The following ABCB1 variants were observed in gnomAD, a reference collection of about 807,000 sequenced individuals.
The protein encoded by ABCB1 is ATP-dependent translocase ABCB1.
A neutral mutation model predicts 142.0 loss-of-function variants in ABCB1; 69 were observed. The ratio of observed to expected loss-of-function variants is 0.49; its 90% CI spans 0.40 to 0.59. ABCB1 has a LOEUF of 0.59. ABCB1 is among the 20% of genes least tolerant of loss of function. The pLI is 0.00. For missense variants in ABCB1, 1,326 were observed against 1,554.7 expected, an observed-to-expected ratio of 0.85 and a Z score of 2.47; for synonymous variants, 532 against 539.2, an observed-to-expected ratio of 0.99 and a Z score of 0.18.
intron 1 of ABCB1, among the ~76,000 whole-genome samples, chr7:87,672,247 A>T (rs1419289697): frequency 2.0e-5 from 3 of 152,190 alleles, no homozygotes; most frequent in Non-Finnish European, 4.4e-5. Context: ...GTACCTGCTT[A>T]AAGTAGCAGT....
chr7:87,634,244 T>G lies in ABCB1; in HGVS notation c.-330-33166A>C, dbSNP rs79377334. Among the ~76,000 whole-genome samples, 1,345 of 152,124 alleles carry G rather than the reference T, an allele frequency of 8.8e-3. 14 individuals carry two copies. Among genetic ancestry groups the G allele is most frequent in the Admixed American group, 0.025 (381 of 15,282 alleles). ...TGCTAGGCCCCACCTCCCAACACCA[T>G]CACATTGGAGATCAAATTTCAACAT... On this transcript the variant is annotated intron_variant, in intron 1 of 28. Transcript: ENST00000265724.
intron 8 of ABCB1, among the ~76,000 whole-genome samples, chr7:87,555,262 C>A (rs1026162198): frequency 6.6e-6 from 1 of 152,110 alleles, no homozygotes; most frequent in African/African-American, 2.4e-5. Context: ...TTTTCTTAAT[C>A]GCAACTCCCT....
In ABCB1 at chr7:87,702,394, T is replaced by A. The variant is rs1351004694; in HGVS notation, c.-331+10767A>T. On this transcript the variant is annotated intron_variant, in intron 1 of 28. Transcript: ENST00000265724. ...CCTAGGCTCAAGTGATCCTCCAACC[T>A]CAGCTTCCTGAGTAGCTGGGACTAC... is the stretch of plus-strand genomic sequence containing the variant. Among the ~76,000 whole-genome samples the A allele has an allele frequency of 2.0e-5, 3 of 151,978 alleles. No homozygotes were observed. In the East Asian group the frequency reaches 5.8e-4, roughly 29 times the overall value.
At chr7:87,700,537 A>G (rs1215807778) in intron 1 of ABCB1, 15 of 1,612,642 alleles carry the variant, frequency 9.3e-6, no homozygotes, top group African/African-American at 1.3e-5. Context: ...GGAAAATGTC[A>G]GTTCTTCTAG....
At chr7:87,632,563 T>G (rs1821332423) in intron 1 of ABCB1, among the ~76,000 whole-genome samples, 1 of 152,172 alleles carries the variant, frequency 6.6e-6, no homozygotes, top group Admixed American at 6.5e-5. Context: ...TTCATACACT[T>G]GACTTTGGCT....
intron 1 of ABCB1, among the ~76,000 whole-genome samples, chr7:87,638,922 G>A (rs958497125): frequency 6.6e-6 from 1 of 152,048 alleles, no homozygotes; most frequent in Non-Finnish European, 1.5e-5. Context: ...GGAGGCCAAG[G>A]CGGGTGGATC....
At chr7:87,583,650 C>T (rs1222932415) in intron 4 of ABCB1, among the ~76,000 whole-genome samples, 2 of 152,120 alleles carry the variant, frequency 1.3e-5, no homozygotes, top group Non-Finnish European at 2.9e-5. Context: ...CAGAAAGGAG[C>T]TAGTCTTCAC....
intron 20 of ABCB1, 67 bp downstream of exon 20, chr7:87,536,391 A>C (rs1478067931): frequency 2.8e-6 from 4 of 1,426,666 alleles, no homozygotes; most frequent in Non-Finnish European, 4.0e-6. Flanking sequence ...GTAAGGAGAA[A>C]ATTAGTTTCA....
chr7:87,526,322 C>T (rs1354918839), intron 21 of ABCB1, among the ~76,000 whole-genome samples: 1 of 152,056 alleles, frequency 6.6e-6, no homozygotes, highest in Non-Finnish European at 1.5e-5. Flanking sequence ...TCTCTGGTGG[C>T]TCTCTACCAT....
rs188407171 is a variant in ABCB1, at chr7:87,530,908, G to T, written c.2685+386C>A. Among the ~76,000 whole-genome samples the T allele has an allele frequency of 1.2e-3, 176 of 143,436 alleles. 2 individuals carry two copies. Among genetic ancestry groups the T allele is most frequent in the African/African-American group, 4.4e-3 (170 of 38,852 alleles). The allele number at this position is 143,436 out of a possible 152,430, so 94.1% of individuals were successfully genotyped here. A position where few individuals can be genotyped will look rare whatever the true frequency, so the allele number is the denominator to read the frequency against. ...AAAAAGAAAAGAAGGAAGAAGGGAA[G>T]GAAGGAAAAAAGGAAAGAAAAGAAG... On this transcript the variant is annotated intron_variant, in intron 21 of 27. Transcript: ENST00000622132.
At chr7:87,702,967 A>G (rs1010028970) in intron 1 of ABCB1, among the ~76,000 whole-genome samples, 1 of 152,134 alleles carries the variant, frequency 6.6e-6, no homozygotes, top group African/African-American at 2.4e-5. Context: ...GTATCAAATA[A>G]CTAACTCAAC....
At chr7:87,593,621 T>C (rs370012447) in intron 3 of ABCB1, among the ~76,000 whole-genome samples, 17 of 152,218 alleles carry the variant, frequency 1.1e-4, no homozygotes, top group East Asian at 9.6e-4. Flanking sequence ...ACAATATGAT[T>C]CTTCATTCTG....
chr7:87,555,066 A>G (rs1044416510), intron 8 of ABCB1, among the ~76,000 whole-genome samples: 3 of 152,210 alleles, frequency 2.0e-5, no homozygotes, highest in African/African-American at 7.2e-5. Context: ...GGTAAAGTTA[A>G]AGGAGATGAT....
chr7:87,700,631 T>G lies in ABCB1; in HGVS notation c.-331+12530A>C. 2.3e-6 allele frequency: 3 copies of G among 1,331,920 alleles called. No homozygotes were observed. In the South Asian group the frequency reaches 4.1e-5, roughly 18 times the overall value. The allele number at this position is 1,331,920 out of a possible 1,614,324, so 82.5% of individuals were successfully genotyped here. On this transcript the variant is annotated intron_variant, in intron 1 of 28. Transcript: ENST00000265724. ...TTGGAATAGCAGGAAGGTGTGAAGC[T>G]ACTTACTATGAATTTCCTTTTCTTA...
At position 87,670,597 on chromosome 7, in the gene ABCB1, G is replaced by C. The variant is rs550988325; in HGVS notation, c.-331+42564C>G. 3.9e-5 allele frequency among the ~76,000 whole-genome samples: 6 copies of C among 152,324 alleles called. No individual in the cohort carries two copies. The South Asian group carries it at 1.2e-3, about 32-fold the overall frequency. On this transcript the variant is annotated intron_variant, in intron 1 of 28. Coordinates refer to the ABCB1 transcript ENST00000265724. ...CTTGCATTGGTTCTTTCTCATCTCT[G>C]TGTGTGGGTGTTCCTTTATCTGCAT... is the stretch of plus-strand genomic sequence containing the variant.
At chr7:87,542,989 A>G (rs1816606443) in intron 17 of ABCB1, among the ~76,000 whole-genome samples, 1 of 152,214 alleles carries the variant, frequency 6.6e-6, no homozygotes, top group Non-Finnish European at 1.5e-5. Context: ...AATTTTTTCA[A>G]CAACTAGAAA....
chr7:87,583,373 G>A (rs1025746191), intron 4 of ABCB1, among the ~76,000 whole-genome samples: 22 of 152,116 alleles, frequency 1.4e-4, no homozygotes, highest in Middle Eastern at 3.2e-3. Flanking sequence ...GAGTATGTTC[G>A]CTAACCACTA....
intron 1 of ABCB1, among the ~76,000 whole-genome samples, chr7:87,706,617 G>C (rs1829612550): frequency 6.6e-6 from 1 of 152,196 alleles, no homozygotes; most frequent in Non-Finnish European, 1.5e-5. Flanking sequence ...TATTACACGA[G>C]CTGAGCCGCA....
In ABCB1 at chr7:87,531,468, G is replaced by A. The variant is rs1335065626; in HGVS notation, c.2511C>T (p.Thr837=). 1.9e-6 allele frequency: 3 copies of A among 1,612,774 alleles called. No individual in the cohort carries two copies. In the East Asian group the frequency reaches 6.7e-5, roughly 36 times the overall value. The change falls in exon 21 of 28, where the codon ACC becomes ACT. Residue 837 remains threonine (T), a synonymous_variant. Coordinates refer to ENST00000622132, the MANE Select transcript of ABCB1 (RefSeq NM_001348946.2). ...GAIGSRLAVI[T]QNIANLGTGI... The stretch of plus-strand genomic sequence containing the variant: ...CTGTCCCAAGATTTGCTATATTCTG[G>A]GTAATTACAGCAAGCCTGGAACCTA...
Sources: allele counts gnomAD v4.1 joint callset (sites outside exome capture counted in the v4.1 genomes callset), GRCh38; gene constraint gnomAD v4.1.1; transcripts MANE v1.5; gene names NCBI Gene and HGNC (gene_info 2026-07-23, HGNC 2026-07-21).